The following RELN variants were observed in gnomAD, a reference collection of about 807,000 sequenced individuals.
RELN encodes reelin.
A neutral mutation model predicts 427.6 loss-of-function variants in RELN; 108 were observed. That is an observed-to-expected ratio of 0.25 (90% CI 0.22 to 0.30). The LOEUF (loss-of-function observed/expected upper bound fraction) is 0.30. Among genes scored for constraint, RELN ranks in the 10% least tolerant of loss-of-function variants. RELN has a pLI of 1.00. For synonymous variants in RELN, 1,524 were observed against 1,513.4 expected, an observed-to-expected ratio of 1.01 and a Z score of -0.16; for missense variants, 3,715 against 4,302.8, an observed-to-expected ratio of 0.86 and a Z score of 3.82.
At chr7:103,720,434 T>C (rs1444910396) in intron 8 of RELN, among the ~76,000 whole-genome samples, 2 of 152,108 alleles carry the variant, frequency 1.3e-5, no homozygotes, top group Admixed American at 6.6e-5. Context: ...ACTTAGGTTA[T>C]AATAATAGAA....
chr7:103,745,645 A>C (rs1790802655), intron 6 of RELN, among the ~76,000 whole-genome samples: 1 of 151,398 alleles, frequency 6.6e-6, no homozygotes, highest in Non-Finnish European at 1.5e-5. Context: ...GAGCCAAATC[A>C]TGAGTGAACT....
chr7:103,523,665 C>T (rs984406129), intron 46 of RELN, 134 bp from the exon 47 acceptor site: 6 of 869,630 alleles, frequency 6.9e-6, no homozygotes, highest in Non-Finnish European at 9.0e-6. Context: ...AAAGAACATT[C>T]ATTATTACAA....
intron 3 of RELN, among the ~76,000 whole-genome samples, chr7:103,813,916 A>G (rs1792805722): frequency 6.6e-6 from 1 of 152,192 alleles, no homozygotes; most frequent in Non-Finnish European, 1.5e-5. Flanking sequence ...AAAAACTCAA[A>G]TCAATACCTA....
chr7:103,486,831 T>TG, intron 60 of RELN, among the ~76,000 whole-genome samples: 1 of 152,210 alleles, frequency 6.6e-6, no homozygotes, highest in Non-Finnish European at 1.5e-5. Context: ...GTTCAACCAT[T>TG]GTAGAAGACA....
chr7:103,557,238 G>A (rs1830545013), intron 37 of RELN, 79 bp from the exon 38 acceptor site: 1 of 1,165,368 alleles, frequency 8.6e-7, no homozygotes, highest in Admixed American at 1.7e-5. Context: ...GAATCTTTAG[G>A]CATCAATGCA....
intron 1 of RELN, among the ~76,000 whole-genome samples, chr7:103,976,809 C>T (rs1394421284): frequency 6.6e-6 from 1 of 152,120 alleles, no homozygotes; most frequent in Non-Finnish European, 1.5e-5. Context: ...GTAGTCCCAG[C>T]AATCAAGAGG....
rs1373880126 is a variant in RELN at position 103,491,850 on chromosome 7, TCTCTCTCACA to T, written c.9443+93_9443+102del. On this transcript the variant is annotated intron_variant, in intron 58 of 64. Coordinates refer to ENST00000428762, the MANE Select transcript of RELN (RefSeq NM_005045.4). Reference sequence around the variant, plus strand: ...CTCTCTCTCTCTCTCTCTCTCTCTCTCTCTCTCACACACACACACACACACACACACACAC... The same window carrying T: ...CTCTCTCTCTCTCTCTCTCTCTCTCTCACACACACACACACACACACACAC... 4.3e-5 allele frequency: 22 copies of T among 510,652 alleles called. No individual in the cohort carries two copies. The African/African-American group carries it at 4.5e-4, about 10-fold the overall frequency. The allele number at this position is 510,652 out of a possible 1,614,324, so 31.6% of individuals were successfully genotyped here.
At chr7:103,684,776 C>G (rs17154267) in intron 10 of RELN, among the ~76,000 whole-genome samples, 3,043 of 152,148 alleles carry the variant, frequency 0.02, 73 homozygotes, top group African/African-American at 0.058. Context: ...CATTTTGAAA[C>G]TTCTAAGTGC....
intron 41 of RELN, 93 bp from the exon 42 acceptor site, chr7:103,545,437 T>A (rs1562883100): frequency 1.5e-5 from 13 of 839,430 alleles, no homozygotes; most frequent in Middle Eastern, 2.3e-4. Flanking sequence ...GGGCAGCTTC[T>A]ACCTATGCTC....
intron 1 of RELN, among the ~76,000 whole-genome samples, chr7:103,924,208 G>A (rs1016033163): frequency 6.6e-6 from 1 of 152,138 alleles, no homozygotes; most frequent in African/African-American, 2.4e-5. Context: ...AGTATCCCCA[G>A]CAGGCTGCTC....
At chr7:103,763,535 T>C (rs924522843) in intron 4 of RELN, among the ~76,000 whole-genome samples, 1 of 152,028 alleles carries the variant, frequency 6.6e-6, no homozygotes, top group Non-Finnish European at 1.5e-5. Context: ...ATAAAGATGA[T>C]ATAGGAGGAG....
intron 1 of RELN, among the ~76,000 whole-genome samples, chr7:103,954,076 CCT>C (rs1796385341): frequency 6.6e-6 from 1 of 151,932 alleles, no homozygotes; most frequent in Admixed American, 6.6e-5. Context: ...AGAGCAAAAC[CCT>C]GTCTCTACTA....
In RELN at chr7:103,561,012, T is replaced by A. The variant is rs180920027; in HGVS notation, c.5529+520A>T. ...GAAGATATGCCAGCTTAGCACAGAG[T>A]TTCACACAATTGCTTAACATTCTCT... On this transcript the variant is annotated intron_variant, in intron 36 of 64. Transcript: ENST00000428762. Among the ~76,000 whole-genome samples the A allele has an allele frequency of 3.3e-5, 5 of 152,142 alleles. No homozygotes were observed. In the East Asian group the frequency reaches 9.7e-4, roughly 29 times the overall value.
At chr7:103,671,735 G>C (rs1036348350) in intron 11 of RELN, among the ~76,000 whole-genome samples, 13 of 152,052 alleles carry the variant, frequency 8.5e-5, no homozygotes, top group African/African-American at 3.1e-4. Context: ...GATATACTTA[G>C]CAAAAGATAA....
chr7:103,502,329 CTT>C (rs1829059828), intron 52 of RELN, among the ~76,000 whole-genome samples: 3 of 152,122 alleles, frequency 2.0e-5, no homozygotes, highest in Non-Finnish European at 2.9e-5. Flanking sequence ...TTCAAAGACT[CTT>C]TATGTTTCAC....
chr7:103,586,727 C>T (rs1475429538), intron 28 of RELN, among the ~76,000 whole-genome samples: 5 of 152,152 alleles, frequency 3.3e-5, no homozygotes, highest in Admixed American at 3.3e-4. Context: ...CAGAGCATTT[C>T]TATACACCAG....
At chr7:103,495,387 C>T (rs2711882) in intron 57 of RELN, among the ~76,000 whole-genome samples, 27,667 of 151,748 alleles carry the variant, frequency 0.18, 2,609 homozygotes, top group East Asian at 0.29. Flanking sequence ...GTCTGGAGCT[C>T]CTGGCCTCTT....
chr7:103,878,409 G>C (rs1309852886), intron 2 of RELN, among the ~76,000 whole-genome samples: 1 of 152,054 alleles, frequency 6.6e-6, no homozygotes, highest in Non-Finnish European at 1.5e-5. Context: ...TCAATTATTG[G>C]TGTTTATCTC....
intron 8 of RELN, among the ~76,000 whole-genome samples, chr7:103,718,332 C>CA (rs11300111): frequency 0.028 from 3,606 of 130,952 alleles, 76 homozygotes; most frequent in Admixed American, 0.063. Context: ...AACAAAGCAG[C>CA]AAAAAAAAAA....
Sources: gnomAD v4.1 joint callset for allele counts (sites outside exome capture counted in the v4.1 genomes callset) on GRCh38, gnomAD v4.1.1 for gene constraint, MANE v1.5 for transcripts, NCBI Gene and HGNC (gene_info 2026-07-23, HGNC 2026-07-21) for gene names.